Variants in RGS12 observed in about 807,000 individuals in gnomAD.
The protein encoded by RGS12 is regulator of G protein signaling 12, also known as regulator of G-protein signaling 12.
In RGS12, 66 loss-of-function variants were observed where a neutral mutation model predicts 120.1. That is an observed-to-expected ratio of 0.55 (90% CI 0.45 to 0.67). The LOEUF (loss-of-function observed/expected upper bound fraction) is 0.67. RGS12 is among the 30% of genes least tolerant of loss of function. The probability of loss-of-function intolerance (pLI) is 0.00; values close to 1 mark genes in which losing one functional copy is unlikely to be tolerated. For missense variants in RGS12, 1,859 were observed against 1,957.7 expected, an observed-to-expected ratio of 0.95 and a Z score of 0.95; for synonymous variants, 827 against 804.7, an observed-to-expected ratio of 1.03 and a Z score of -0.47.
chr4:3,338,010 G>A lies in RGS12; in HGVS notation c.1882-4927G>A, dbSNP rs752991641. Among the ~76,000 whole-genome samples the A allele has an allele frequency of 2.0e-5, 3 of 152,180 alleles. No individual in the cohort carries two copies. In the East Asian group the frequency reaches 5.8e-4, roughly 29 times the overall value. On this transcript the variant is annotated intron_variant, in intron 2 of 17. Coordinates refer to ENST00000336727, the MANE Select transcript of RGS12 (RefSeq NM_001394154.1). ...CATCTGTGGATTGAGGCGTTGGAAT[G>A]GTTCTTACGCCAAAATGATTCTTTG...
At chr4:3,431,294 T>C in intron 17 of RGS12, 2 of 1,152,936 alleles carry the variant, frequency 1.7e-6, no homozygotes, top group Non-Finnish European at 2.1e-6. Flanking sequence ...GAGGCATTCC[T>C]TTCCAAATCT....
rs183989241 is a variant in RGS12 at position 3,411,956 on chromosome 4, C to T, written c.2021-2116C>T. Reference sequence around the variant, plus strand: ...TCAGGGCTTCCGTGTGAGCCCCAGCCGCAGGCCTCTGAAACTTCAGTGCGT... The same window carrying T: ...TCAGGGCTTCCGTGTGAGCCCCAGCTGCAGGCCTCTGAAACTTCAGTGCGT... On this transcript the variant is annotated intron_variant, in intron 4 of 17. Transcript: ENST00000336727. 3.7e-3 allele frequency among the ~76,000 whole-genome samples: 570 copies of T among 152,400 alleles called. 4 individuals are homozygous for T. The highest frequency in any genetic ancestry group is 0.013 in the African/African-American group (530 of 41,600).
At chr4:3,292,012 GT>G (rs1229055314), upstream of RGS12, among the ~76,000 whole-genome samples, 3 of 152,194 alleles carry the variant, frequency 2.0e-5, no homozygotes, top group Non-Finnish European at 2.9e-5. Context: ...GAGGGGAAGC[GT>G]TTTGAGCCCA....
At chr4:3,298,436 AAACTCCTGGGCTCAAGC>A (rs1723497712) in intron 1 of RGS12, among the ~76,000 whole-genome samples, 1 of 151,970 alleles carries the variant, frequency 6.6e-6, no homozygotes, top group African/African-American at 2.4e-5. Context: ...CTGCAGCCCC[AAACTCCTGGGCTCAAGC>A]GATCCCCCTG....
At chr4:3,436,876 G>A (rs925515106) in intron 17 of RGS12, among the ~76,000 whole-genome samples, 11 of 152,110 alleles carry the variant, frequency 7.2e-5, no homozygotes, top group South Asian at 2.1e-4. Context: ...CCAGCCAGCC[G>A]AGGGCAGGGA....
At chr4:3,437,385 T>C (rs1560186016) in intron 17 of RGS12, among the ~76,000 whole-genome samples, 1 of 152,206 alleles carries the variant, frequency 6.6e-6, no homozygotes, top group East Asian at 1.9e-4. Flanking sequence ...GAGCCGGGCT[T>C]CTGGACATGT....
In RGS12 at chr4:3,422,378, G is replaced by T; in HGVS notation, c.2841G>T (p.Ser947=). 6.2e-7 allele frequency: 1 copy of T among 1,610,018 alleles called. No individual in the cohort carries two copies. Among genetic ancestry groups the T allele is most frequent in the Non-Finnish European group, 8.5e-7 (1 of 1,178,200 alleles). ...CTGCTTGTCTCGCTGCTCCCCAGTC[G>T]GAGGCCTGCAGGACTTTGGCACCCG... ...SVSSAGSLDL[S]EACRTLAPEK... The change falls in exon 11 of 18, where the codon TCG becomes TCT. Residue 947 remains serine (S), a splice_region_variant and synonymous_variant. Coordinates refer to ENST00000336727, the MANE Select transcript of RGS12 (RefSeq NM_001394154.1).
chr4:3,366,530 C>T lies in RGS12; in HGVS notation c.1999-19886C>T, dbSNP rs543775511. 1.3e-4 allele frequency among the ~76,000 whole-genome samples: 20 copies of T among 152,146 alleles called. No homozygotes were observed. Among genetic ancestry groups the T allele is most frequent in the Non-Finnish European group, 2.5e-4 (17 of 68,024 alleles). On this transcript the variant is annotated intron_variant, in intron 3 of 17. Coordinates refer to ENST00000336727, the MANE Select transcript of RGS12 (RefSeq NM_001394154.1). The surrounding 1 kb of genome is among the most constrained non-coding windows in gnomAD (Gnocchi z 4.0). Reference sequence around the variant, plus strand: ...CCTCCTAGCTGAGAGTGAGGTGGTCCGGCCCCGTGAAGGAGGCAGCAGGGC... The same window carrying T: ...CCTCCTAGCTGAGAGTGAGGTGGTCTGGCCCCGTGAAGGAGGCAGCAGGGC...
chr4:3,430,680 G>T lies in RGS12; in HGVS notation c.3839G>T (p.Ser1280Ile). Residue 1280 changes from serine (S) to isoleucine (I), a missense_variant, in exon 17 of 18, where the codon AGC (serine) becomes ATC (isoleucine). Ser to Ile is a moderately radical substitution (Grantham distance 142). Coordinates refer to ENST00000336727, the MANE Select transcript of RGS12 (RefSeq NM_001394154.1). ...SPSTSPGSAS[S>I]PPGPPGTTPP... is the part of the protein sequence containing the mutation. ...TCCACCAGCCCGGGCTCAGCCTCCAGCCCCCCTGGACCTCCTGGGACGACC... is the reference window on the plus strand; with the variant it reads ...TCCACCAGCCCGGGCTCAGCCTCCATCCCCCCTGGACCTCCTGGGACGACC... 6.3e-7 allele frequency: 1 copy of T among 1,581,860 alleles called. No homozygotes were observed. The highest frequency in any genetic ancestry group is 8.6e-7 in the Non-Finnish European group (1 of 1,163,498).
chr4:3,356,033 A>C (rs78229049), intron 3 of RGS12, among the ~76,000 whole-genome samples: 4,772 of 150,316 alleles, frequency 0.032, 232 homozygotes, highest in African/African-American at 0.11. Flanking sequence ...TATAAAGGGC[A>C]GAGATTATCT....
intron 3 of RGS12, among the ~76,000 whole-genome samples, chr4:3,377,964 A>T (rs1031757860): frequency 1.3e-5 from 2 of 152,232 alleles, no homozygotes; most frequent in African/African-American, 4.8e-5. Context: ...TAAGCACCGA[A>T]AAGTGCTGAC....
At chr4:3,325,439 A>T (rs540209129) in intron 2 of RGS12, among the ~76,000 whole-genome samples, 1 of 152,348 alleles carries the variant, frequency 6.6e-6, no homozygotes, top group African/African-American at 2.4e-5. Context: ...CTCAGCCCTC[A>T]TGAATGGCAG....
intron 6 of RGS12, 146 bp from the exon 7 acceptor site, chr4:3,415,832 A>C (rs1722334654): frequency 3.7e-6 from 3 of 811,462 alleles, no homozygotes; most frequent in Non-Finnish European, 5.8e-6. Context: ...TTCTGGCCAC[A>C]CTTTTATTTA....
Position 3,414,428 on chromosome 4 carries a change from C to T in RGS12, c.2190+187C>T. 5 of 672,914 alleles carry T rather than the reference C, an allele frequency of 7.4e-6. No individual in the cohort carries two copies. In the South Asian group the frequency reaches 1.0e-4, roughly 14 times the overall value. The allele number at this position is 672,914 out of a possible 1,614,324, so 41.7% of individuals were successfully genotyped here. A position where few individuals can be genotyped will look rare whatever the true frequency, so the allele number is the denominator to read the frequency against. ...AGAGGAGGGTGGGTTGAATCCTGCC[C>T]CTGGTTCTGCCCCCAGGGAGCGTCC... On this transcript the variant is annotated intron_variant, in intron 5 of 17. Transcript: ENST00000336727.
rs1163014812 is a variant in RGS12 at position 3,368,644 on chromosome 4, C to T, written c.1999-17772C>T. On this transcript the variant is annotated intron_variant, in intron 3 of 17. Transcript: ENST00000336727. ...GGGGGGTACATGTGTGTGTGTGGTA[C>T]GTGTGTGGGGTGCATGTGTGTGTAG... is the stretch of plus-strand genomic sequence containing the variant. Among the ~76,000 whole-genome samples, 5 of 75,188 alleles carry T rather than the reference C, an allele frequency of 6.7e-5. No homozygotes were observed. In the South Asian group the frequency reaches 1.6e-3, roughly 24 times the overall value. 49.3% of individuals were successfully genotyped at this position (75,188 alleles called of 152,430 possible). A position where few individuals can be genotyped will look rare whatever the true frequency, so the allele number is the denominator to read the frequency against.
intron 3 of RGS12, among the ~76,000 whole-genome samples, chr4:3,348,728 G>T (rs905856781): frequency 6.6e-6 from 1 of 152,204 alleles, no homozygotes; most frequent in Non-Finnish European, 1.5e-5. Flanking sequence ...TAAAACTGGA[G>T]AAAAAAGTTC....
chr4:3,373,008 G>A (rs913208958), intron 3 of RGS12, among the ~76,000 whole-genome samples: 8 of 152,252 alleles, frequency 5.3e-5, no homozygotes, highest in African/African-American at 1.4e-4. Context: ...TGCAGTCTGC[G>A]GCCCGGCGTG....
At chr4:3,436,226 T>C (rs571996272) in intron 17 of RGS12, among the ~76,000 whole-genome samples, 2 of 151,584 alleles carry the variant, frequency 1.3e-5, no homozygotes, top group Non-Finnish European at 2.9e-5. Flanking sequence ...GCCCGTGGGG[T>C]GCGCTGTGGT....
At chr4:3,368,451 T>TGTGTGTGGGG (rs781181622) in intron 3 of RGS12, among the ~76,000 whole-genome samples, 5 of 109,076 alleles carry the variant, frequency 4.6e-5, no homozygotes, top group Admixed American at 3.7e-4. Context: ...TGTGTGTGTG[T>TGTGTGTGGGG]GGGGTGCCTT....
Sources: gnomAD v4.1 joint callset for allele counts (sites outside exome capture counted in the v4.1 genomes callset) on GRCh38, gnomAD v4.1.1 for gene constraint, Gnocchi (gnomAD v3.1) non-coding constraint, MANE v1.5 for transcripts, NCBI Gene and HGNC (gene_info 2026-07-23, HGNC 2026-07-21) for gene names.